ADAMTS9: variants seen among roughly 807,000 people sequenced by gnomAD.
ADAMTS9 encodes the protein A disintegrin and metalloproteinase with thrombospondin motifs 9.
In ADAMTS9, 107 loss-of-function variants were observed where a neutral mutation model predicts 257.1. The observed-to-expected ratio is 0.42, with a 90% confidence interval of 0.36 to 0.49. The LOEUF is 0.49. Among genes scored for constraint, ADAMTS9 ranks in the 20% least tolerant of loss-of-function variants. The pLI is 0.03. For synonymous variants in ADAMTS9, 982 were observed against 880.9 expected (o/e 1.11, Z -2.03); for missense variants, 2,353 against 2,469.1 (o/e 0.95, Z 1.00).
At chr3:64,627,711 C>T (rs1700260713) in intron 16 of ADAMTS9, among the ~76,000 whole-genome samples, 1 of 152,140 alleles carries the variant, frequency 6.6e-6, no homozygotes, top group Non-Finnish European at 1.5e-5. Flanking sequence ...GTTGGTTTCC[C>T]TCCCATTGCA....
intron 28 of ADAMTS9, among the ~76,000 whole-genome samples, chr3:64,575,743 G>A (rs1282348224): frequency 1.3e-5 from 2 of 152,300 alleles, no homozygotes; most frequent in East Asian, 3.9e-4. Flanking sequence ...TAAGATGGGA[G>A]AATAGTAGTA....
rs115531657 is a variant in ADAMTS9 at position 64,623,398 on chromosome 3, A to G, written c.2390-812T>C. On this transcript the variant is annotated intron_variant, in intron 16 of 39. Transcript: ENST00000498707. ...AGGGAAGTACTGACTCCTTCTGCCAACACCCTCTGAGTGAGTAATCTGGGA... is the reference window on the plus strand; with the variant it reads ...AGGGAAGTACTGACTCCTTCTGCCAGCACCCTCTGAGTGAGTAATCTGGGA... Among the ~76,000 whole-genome samples, 806 of 152,276 alleles carry G rather than the reference A, an allele frequency of 5.3e-3. 6 individuals carry two copies. The highest frequency in any genetic ancestry group is 0.017 in the African/African-American group (725 of 41,568).
chr3:64,626,255 A>C (rs1311727400), intron 16 of ADAMTS9, among the ~76,000 whole-genome samples: 1 of 152,168 alleles, frequency 6.6e-6, no homozygotes, highest in African/African-American at 2.4e-5. Flanking sequence ...GCATGACTTA[A>C]AATAGTTAAT....
At chr3:64,656,956 T>TC (rs11429228) in intron 4 of ADAMTS9, among the ~76,000 whole-genome samples, 128,853 of 152,048 alleles carry the variant, frequency 0.85, 55,034 homozygotes, top group Admixed American at 0.92. Flanking sequence ...TCAGGGCTCG[T>TC]CTATTAAAAG....
chr3:64,557,484 T>C (rs1049312111), intron 30 of ADAMTS9, among the ~76,000 whole-genome samples: 1 of 152,132 alleles, frequency 6.6e-6, no homozygotes, highest in South Asian at 2.1e-4. Flanking sequence ...CTAAAGTGGG[T>C]AAAACTGACC....
chr3:64,543,540 A>C (rs1460537290), intron 32 of ADAMTS9, among the ~76,000 whole-genome samples: 2 of 152,246 alleles, frequency 1.3e-5, no homozygotes, highest in African/African-American at 4.8e-5. Flanking sequence ...CAATAGATGC[A>C]GAAAAGGCCT....
Position 64,542,430 on chromosome 3 carries a change from C to CTTTT in ADAMTS9, c.5065-464_5065-461dup, listed in dbSNP as rs56812239. On this transcript the variant is annotated intron_variant, in intron 32 of 39. Coordinates refer to ENST00000498707, the MANE Select transcript of ADAMTS9 (RefSeq NM_182920.2). The stretch of plus-strand genomic sequence containing the variant: ...CTGATCACTTTTCATTTCTTTCTTT[C>CTTTT]TTTTTTTTTTTTTTGAGACAGAGTT... 8.8e-4 allele frequency among the ~76,000 whole-genome samples: 109 copies of CTTTT among 124,538 alleles called. 4 individuals are homozygous for CTTTT. The highest frequency in any genetic ancestry group is 2.5e-3 in the African/African-American group (84 of 33,140). 81.7% of individuals were successfully genotyped at this position (124,538 alleles called of 152,430 possible). A position where few individuals can be genotyped will look rare whatever the true frequency, so the allele number is the denominator to read the frequency against.
At chr3:64,518,178 A>G (rs987182825) in intron 39 of ADAMTS9, among the ~76,000 whole-genome samples, 3 of 152,214 alleles carry the variant, frequency 2.0e-5, no homozygotes, top group Non-Finnish European at 4.4e-5. Context: ...TGATTGATGA[A>G]GAAAGAGAGT....
intron 30 of ADAMTS9, among the ~76,000 whole-genome samples, chr3:64,560,028 G>A (rs577915626): frequency 1.8e-4 from 27 of 152,254 alleles, no homozygotes; most frequent in Middle Eastern, 6.8e-3. Context: ...TATATCTGAC[G>A]TTGCCAATCC....
chr3:64,644,000 C>A (rs1297310461), intron 11 of ADAMTS9, among the ~76,000 whole-genome samples: 3 of 152,088 alleles, frequency 2.0e-5, no homozygotes, highest in African/African-American at 7.2e-5. Flanking sequence ...TTGGGTGAGT[C>A]CTTAAAGTCT....
chr3:64,617,606 T>A (rs1699992877), intron 19 of ADAMTS9, among the ~76,000 whole-genome samples: 1 of 152,172 alleles, frequency 6.6e-6, no homozygotes, highest in African/African-American at 2.4e-5. Context: ...TATTCCAAAG[T>A]GTTGTTACTA....
chr3:64,636,021 C>A (rs1186556024), intron 12 of ADAMTS9, among the ~76,000 whole-genome samples: 2 of 152,174 alleles, frequency 1.3e-5, no homozygotes, highest in Non-Finnish European at 2.9e-5. Flanking sequence ...GTGGATCAAT[C>A]ATTTATTTAT....
intron 22 of ADAMTS9, among the ~76,000 whole-genome samples, chr3:64,607,782 T>G (rs895390421): frequency 2.6e-5 from 4 of 152,052 alleles, no homozygotes; most frequent in African/African-American, 9.7e-5. Flanking sequence ...AGGTGAATGC[T>G]TAATAAAAAA....
At chr3:64,531,444 A>C (rs2082979880) in intron 38 of ADAMTS9, among the ~76,000 whole-genome samples, 2 of 151,170 alleles carry the variant, frequency 1.3e-5, no homozygotes, top group Admixed American at 1.3e-4. Flanking sequence ...CAGTACACTT[A>C]TTGTAAACAG....
Position 64,655,565 on chromosome 3 carries a change from A to C in ADAMTS9, c.1169+11T>G. 1 of 1,598,876 alleles carries C rather than the reference A, an allele frequency of 6.3e-7. No individual in the cohort carries two copies. ...AGACTGAAAGATCTGAGGAATAAGA[A>C]ATCCATATACCTTGTTAAGAGAACA... is the stretch of plus-strand genomic sequence containing the variant. On this transcript the variant is annotated intron_variant, in intron 6 of 39. Transcript: ENST00000498707.
At chr3:64,682,129 A>C (rs750735354) in intron 2 of ADAMTS9, among the ~76,000 whole-genome samples, 1 of 152,212 alleles carries the variant, frequency 6.6e-6, no homozygotes, top group Non-Finnish European at 1.5e-5. Flanking sequence ...CTTTGAAGCC[A>C]GATTGCCCTA....
chr3:64,677,872 G>A (rs900255325), intron 3 of ADAMTS9, among the ~76,000 whole-genome samples: 2 of 152,132 alleles, frequency 1.3e-5, no homozygotes, highest in Non-Finnish European at 2.9e-5. Flanking sequence ...ATAAATGCAC[G>A]CATGAATGAA....
At position 64,657,138 on chromosome 3, in the gene ADAMTS9, G is replaced by C. The variant is rs754417070; in HGVS notation, c.970-1263C>G. On this transcript the variant is annotated intron_variant, in intron 4 of 39. Transcript: ENST00000498707. ...GTTTGCATAAGAAATACCTAGAGTT[G>C]CACTGCCCAACAGTGGCCACCCATC... 7.2e-5 allele frequency among the ~76,000 whole-genome samples: 11 copies of C among 152,216 alleles called. No homozygotes were observed. In the Middle Eastern group the frequency reaches 0.02, roughly 282 times the overall value.
In ADAMTS9 at chr3:64,687,005, C is replaced by A. The variant is rs1159103165; in HGVS notation, c.116-37G>T. ...AGCAGAGGTATATGAACCAATAATTCATTTTTCCTTAAGCTTTAATTTAAA... is the reference window on the plus strand; with the variant it reads ...AGCAGAGGTATATGAACCAATAATTAATTTTTCCTTAAGCTTTAATTTAAA... On this transcript the variant is annotated intron_variant, in intron 1 of 39. Coordinates refer to ENST00000498707, the MANE Select transcript of ADAMTS9 (RefSeq NM_182920.2). This position sits in a 1 kb window ranked among gnomAD's most constrained non-coding sequence, Gnocchi z 4.4. 5.1e-6 allele frequency: 8 copies of A among 1,573,820 alleles called. No homozygotes were observed. Among genetic ancestry groups the A allele is most frequent in the Non-Finnish European group, 6.9e-6 (8 of 1,161,658 alleles).
Sources: allele counts gnomAD v4.1 joint callset (sites outside exome capture counted in the v4.1 genomes callset), GRCh38; gene constraint gnomAD v4.1.1; non-coding constraint Gnocchi (gnomAD v3.1); transcripts MANE v1.5; gene names NCBI Gene and HGNC (gene_info 2026-07-23, HGNC 2026-07-21).